The following PCDHA13 variants were observed in gnomAD, a reference collection of about 807,000 sequenced individuals.
The protein encoded by PCDHA13 is protocadherin alpha-13.
Under a neutral mutation model 64.8 loss-of-function variants are expected in PCDHA13, and 54 were observed. The observed-to-expected ratio is 0.83, with a 90% CI of 0.67 to 1.04. The LOEUF (loss-of-function observed/expected upper bound fraction) is 1.04, where lower values mean the gene tolerates loss of function less well. Among genes scored for constraint, PCDHA13 ranks in the 50% least tolerant of loss-of-function variants. The probability of loss-of-function intolerance (pLI) is 0.00; values close to 1 mark genes in which losing one functional copy is unlikely to be tolerated. For missense variants in PCDHA13, 1,248 were observed against 1,254.3 expected, an observed-to-expected ratio of 0.99 and a Z score of 0.08; for synonymous variants, 587 against 564.4, an observed-to-expected ratio of 1.04 and a Z score of -0.57.
At chr5:140,970,854 T>TG (rs1554232785) in intron 1 of PCDHA13, among the ~76,000 whole-genome samples, 1 of 152,148 alleles carries the variant, frequency 6.6e-6, no homozygotes, top group Non-Finnish European at 1.5e-5. Context: ...GCACAAAAGT[T>TG]CCATTCCTGA....
chr5:140,980,981 A>G (rs1255751936), intron 2 of PCDHA13, among the ~76,000 whole-genome samples: 1 of 152,188 alleles, frequency 6.6e-6, no homozygotes, highest in Non-Finnish European at 1.5e-5. Context: ...GACTGAGCCC[A>G]CACAATTTGC....
At chr5:140,943,277 AG>A (rs199866143) in intron 1 of PCDHA13, among the ~76,000 whole-genome samples, 16,429 of 127,604 alleles carry the variant, frequency 0.13, 1,638 homozygotes, top group African/African-American at 0.18. Flanking sequence ...AAAAAAAAAA[AG>A]AAAGAAAGAA....
chr5:140,980,102 C>A (rs782586995), intron 2 of PCDHA13, among the ~76,000 whole-genome samples: 1 of 152,192 alleles, frequency 6.6e-6, no homozygotes, highest in Non-Finnish European at 1.5e-5. Flanking sequence ...GGTAAGATGT[C>A]ACATTGGAAC....
At chr5:140,999,319 T>G (rs2097853876) in intron 3 of PCDHA13, among the ~76,000 whole-genome samples, 1 of 152,236 alleles carries the variant, frequency 6.6e-6, no homozygotes, top group African/African-American at 2.4e-5. Flanking sequence ...TGACAGACAT[T>G]GATCTGTGTG....
chr5:140,978,791 A>T (rs1443899144), intron 1 of PCDHA13, 158 bp from the exon 2 acceptor site: 1 of 976,042 alleles, frequency 1.0e-6, no homozygotes, highest in South Asian at 4.7e-5. Flanking sequence ...AAAGTGCTAT[A>T]TATGTAGATA....
At chr5:140,898,211 A>G (rs1554187859) in intron 1 of PCDHA13, among the ~76,000 whole-genome samples, 2 of 152,100 alleles carry the variant, frequency 1.3e-5, no homozygotes, top group African/African-American at 4.8e-5. Context: ...CCATTTGTCA[A>G]TTTTGGCTTT....
intron 1 of PCDHA13, among the ~76,000 whole-genome samples, chr5:140,942,439 A>C (rs1554214983): frequency 6.6e-6 from 1 of 152,200 alleles, no homozygotes; most frequent in Non-Finnish European, 1.5e-5. Context: ...AACAATAAAC[A>C]AGTAAACTAT....
chr5:140,908,730 C>G (rs1367655223), intron 1 of PCDHA13, among the ~76,000 whole-genome samples: 4 of 152,124 alleles, frequency 2.6e-5, no homozygotes, highest in Non-Finnish European at 4.4e-5. Context: ...TCATATGGCT[C>G]GAGAAACAGA....
intron 1 of PCDHA13, among the ~76,000 whole-genome samples, chr5:140,887,231 A>G (rs570148204): frequency 7.0e-4 from 106 of 151,572 alleles, no homozygotes; most frequent in Admixed American, 1.4e-3. Context: ...CGAGTAGCTG[A>G]GACTACCGGC....
chr5:140,883,447 C>T lies in PCDHA13; in HGVS notation c.1179C>T (p.Val393=), dbSNP rs967998655. Residue 393 remains valine, a synonymous_variant, in exon 1 of 4, where the codon GTC becomes GTT. Transcript: ENST00000289272. ...GQVTCTLTPH[V]PFKLVSTYKN... is the part of the protein sequence containing the mutation. ...TCACCTGCACCTTGACGCCGCATGT[C>T]CCCTTCAAGCTGGTGTCCACCTACA... 8.1e-6 allele frequency: 13 copies of T among 1,614,168 alleles called. No individual in the cohort carries two copies. The highest frequency in any genetic ancestry group is 1.0e-5 in the Non-Finnish European group (12 of 1,180,038).
chr5:140,902,225 A>G (rs1454445915), intron 1 of PCDHA13, among the ~76,000 whole-genome samples: 1 of 114,610 alleles, frequency 8.7e-6, no homozygotes, highest in African/African-American at 3.5e-5. Context: ...TTTTTTTGAG[A>G]TGAGGACTTG....
rs1305231081 is a variant in PCDHA13 at position 141,010,857 on chromosome 5, G to A, written c.*920G>A. The A allele has an allele frequency of 6.5e-6, 1 of 153,732 alleles. No homozygotes were observed. The highest frequency in any genetic ancestry group is 2.4e-5 in the African/African-American group (1 of 41,448). 9.5% of individuals were successfully genotyped at this position (153,732 alleles called of 1,614,324 possible). ...ATAGATTTATTTAAAAAAAGAGAAAGTCTATAGCTATAAATCTTTAAAGAG... is the reference window on the plus strand; with the variant it reads ...ATAGATTTATTTAAAAAAAGAGAAAATCTATAGCTATAAATCTTTAAAGAG... On this transcript the variant is annotated 3_prime_UTR_variant, in exon 4 of 4. Transcript: ENST00000289272.
chr5:140,970,400 C>T (rs1586425210), intron 1 of PCDHA13, among the ~76,000 whole-genome samples: 1 of 152,162 alleles, frequency 6.6e-6, no homozygotes, highest in Non-Finnish European at 1.5e-5. Context: ...AAGTGGATGG[C>T]TTACCCTACA....
chr5:140,976,413 C>T (rs560298731), intron 1 of PCDHA13, among the ~76,000 whole-genome samples: 2 of 151,978 alleles, frequency 1.3e-5, no homozygotes, highest in African/African-American at 4.8e-5. Flanking sequence ...TAGCCAGGTA[C>T]GGTGGCAGAT....
At chr5:140,955,720 T>C (rs921545021) in intron 1 of PCDHA13, among the ~76,000 whole-genome samples, 7 of 152,354 alleles carry the variant, frequency 4.6e-5, no homozygotes, top group East Asian at 1.9e-4. Flanking sequence ...AGGAATACCA[T>C]TGAATCTATA....
At chr5:140,905,635 A>ACTGTTGCCTCAGGCAGTGCAGG (rs2071993181) in intron 1 of PCDHA13, among the ~76,000 whole-genome samples, 1 of 152,206 alleles carries the variant, frequency 6.6e-6, no homozygotes, top group South Asian at 2.1e-4. Flanking sequence ...CAGTATGGTC[A>ACTGTTGCCTCAGGCAGTGCAGG]GTTTCACAGT....
chr5:140,945,678 C>T (rs2093827274), intron 1 of PCDHA13, among the ~76,000 whole-genome samples: 1 of 152,078 alleles, frequency 6.6e-6, no homozygotes, highest in Non-Finnish European at 1.5e-5. Context: ...AATAAATCCA[C>T]ACAGTTACTG....
chr5:140,959,578 A>G (rs1554224156), intron 1 of PCDHA13, among the ~76,000 whole-genome samples: 1 of 152,188 alleles, frequency 6.6e-6, no homozygotes, highest in Non-Finnish European at 1.5e-5. Flanking sequence ...TTTTGTTTCA[A>G]TTCTATCAGC....
At chr5:140,969,485 T>C (rs1485555970) in intron 1 of PCDHA13, 4 of 1,461,452 alleles carry the variant, frequency 2.7e-6, no homozygotes, top group African/African-American at 2.9e-5. Flanking sequence ...CATAATCTGC[T>C]ATTTCCTCTC....
Sources: gnomAD v4.1 joint callset for allele counts (sites outside exome capture counted in the v4.1 genomes callset) on GRCh38, gnomAD v4.1.1 for gene constraint, MANE v1.5 for transcripts, NCBI Gene and HGNC (gene_info 2026-07-23, HGNC 2026-07-21) for gene names.